The following DLG2 variants were observed in gnomAD, a reference collection of about 807,000 sequenced individuals.
DLG2 encodes the protein disks large homolog 2.
Under a neutral mutation model 132.5 loss-of-function variants are expected in DLG2, and 45 were observed. The observed-to-expected ratio is 0.34, with a 90% CI of 0.27 to 0.44. The LOEUF is 0.44. DLG2 is among the 20% of genes least tolerant of loss of function. The pLI is 1.00. For missense variants in DLG2, 1,045 were observed against 1,196.9 expected, an observed-to-expected ratio of 0.87 and a Z score of 1.87; for synonymous variants, 424 against 419.6, an observed-to-expected ratio of 1.01 and a Z score of -0.13.
chr11:84,978,261 C>A (rs1415626921), intron 6 of DLG2, among the ~76,000 whole-genome samples: 1 of 152,130 alleles, frequency 6.6e-6, no homozygotes, highest in Non-Finnish European at 1.5e-5. Context: ...GGCTTTTCAT[C>A]CCCATCAAGC....
intron 18 of DLG2, among the ~76,000 whole-genome samples, chr11:83,671,238 C>T (rs1039280473): frequency 2.6e-5 from 4 of 152,136 alleles, no homozygotes; most frequent in Admixed American, 1.3e-4. Context: ...AATTAGAGTG[C>T]TGCATTTATG....
At chr11:84,581,912 C>CAAA (rs780759635) in intron 6 of DLG2, among the ~76,000 whole-genome samples, 3 of 64,988 alleles carry the variant, frequency 4.6e-5, no homozygotes, top group Admixed American at 2.0e-4. Context: ...TCTCAAAAAC[C>CAAA]AAAAAAAAAA....
intron 7 of DLG2, among the ~76,000 whole-genome samples, chr11:84,327,995 A>G (rs578146107): frequency 6.6e-6 from 1 of 152,168 alleles, no homozygotes; most frequent in Non-Finnish European, 1.5e-5. Context: ...AATACGTGTA[A>G]CATCCTGGGT....
At chr11:83,947,431 C>G (rs2084313594) in intron 14 of DLG2, among the ~76,000 whole-genome samples, 1 of 152,094 alleles carries the variant, frequency 6.6e-6, no homozygotes, top group African/African-American at 2.4e-5. Flanking sequence ...ATTCTTAATA[C>G]AGGTACAAGT....
chr11:84,985,501 C>G (rs1221772154), intron 6 of DLG2, among the ~76,000 whole-genome samples: 2 of 151,912 alleles, frequency 1.3e-5, no homozygotes, highest in Admixed American at 1.3e-4. Flanking sequence ...AAATTCATAG[C>G]CCTAAACGAC....
At chr11:84,714,821 C>T (rs1271372277) in intron 6 of DLG2, among the ~76,000 whole-genome samples, 1 of 151,854 alleles carries the variant, frequency 6.6e-6, no homozygotes, top group African/African-American at 2.4e-5. Context: ...ACCTAAGATA[C>T]TGTATATATG....
intron 6 of DLG2, among the ~76,000 whole-genome samples, chr11:84,738,146 A>G (rs887193637): frequency 1.3e-5 from 2 of 152,066 alleles, no homozygotes; most frequent in African/African-American, 4.8e-5. Context: ...ATCCATCCTG[A>G]GAGAAGAGCA....
intron 3 of DLG2, among the ~76,000 whole-genome samples, chr11:85,595,014 G>C (rs1006198230): frequency 7.3e-6 from 1 of 137,882 alleles, no homozygotes; most frequent in South Asian, 2.2e-4. Flanking sequence ...GCAGTGAGCC[G>C]ATATCGCACC....
At position 85,607,459 on chromosome 11, in the gene DLG2, T is replaced by C. The variant is rs568864890; in HGVS notation, c.-92-8671A>G. ...AGACTCATCCATCTATCTTGATCCT[T>C]GCCCCCGGGTCCTAACGCCTGCCAG... On this transcript the variant is annotated intron_variant, in intron 2 of 27. Transcript: ENST00000376104. Among the ~76,000 whole-genome samples the C allele has an allele frequency of 2.6e-5, 4 of 152,338 alleles. No homozygotes were observed. In the South Asian group the frequency reaches 8.3e-4, roughly 32 times the overall value.
At chr11:84,240,671 A>C (rs2097214920) in intron 8 of DLG2, among the ~76,000 whole-genome samples, 1 of 152,192 alleles carries the variant, frequency 6.6e-6, no homozygotes, top group African/African-American at 2.4e-5. Context: ...AGGAAAAGGC[A>C]TTGTGGACTA....
intron 18 of DLG2, among the ~76,000 whole-genome samples, chr11:83,654,136 C>T (rs2071559112): frequency 6.6e-6 from 1 of 152,140 alleles, no homozygotes; most frequent in South Asian, 2.1e-4. Context: ...TGATTGTGTT[C>T]TTTCCATGCT....
intron 6 of DLG2, among the ~76,000 whole-genome samples, chr11:84,790,593 G>A (rs2073679711): frequency 6.6e-6 from 1 of 152,096 alleles, no homozygotes; most frequent in East Asian, 1.9e-4. Context: ...AACTTGATGT[G>A]ATTGCATTTG....
intron 6 of DLG2, among the ~76,000 whole-genome samples, chr11:84,840,370 G>T (rs886251524): frequency 6.6e-6 from 1 of 152,150 alleles, no homozygotes; most frequent in African/African-American, 2.4e-5. Context: ...GGAGATATAG[G>T]AATGCTTTTA....
At chr11:84,271,743 C>G (rs2097725108) in intron 7 of DLG2, among the ~76,000 whole-genome samples, 1 of 152,066 alleles carries the variant, frequency 6.6e-6, no homozygotes, top group Non-Finnish European at 1.5e-5. Flanking sequence ...CTTTCTCCAA[C>G]TTACTTTCCT....
At chr11:84,855,792 AC>A (rs2082707094) in intron 6 of DLG2, among the ~76,000 whole-genome samples, 1 of 152,092 alleles carries the variant, frequency 6.6e-6, no homozygotes, top group Admixed American at 6.6e-5. Context: ...CAAAGAAATG[AC>A]AAAATTCTGA....
intron 6 of DLG2, among the ~76,000 whole-genome samples, chr11:84,941,598 C>A (rs2049436933): frequency 6.6e-6 from 1 of 151,846 alleles, no homozygotes; most frequent in Non-Finnish European, 1.5e-5. Context: ...AACGAGTGAT[C>A]TTTTTAATGT....
chr11:84,645,173 A>T (rs1298478048), intron 6 of DLG2, among the ~76,000 whole-genome samples: 1 of 152,190 alleles, frequency 6.6e-6, no homozygotes, highest in African/African-American at 2.4e-5. Context: ...GGCTTTGTTC[A>T]CACCCTTCAT....
At chr11:85,328,948 T>G (rs2081560878) in intron 3 of DLG2, among the ~76,000 whole-genome samples, 1 of 120,496 alleles carries the variant, frequency 8.3e-6, no homozygotes, top group South Asian at 3.1e-4. Flanking sequence ...AAAATCAATG[T>G]ACAAAAATCA....
chr11:85,285,969 A>C (rs1269370509), intron 3 of DLG2: 1 of 333,392 alleles, frequency 3.0e-6, no homozygotes, highest in African/African-American at 2.2e-5. Context: ...AGGCAAATTA[A>C]AAAAAAAATC....
Sources: gnomAD v4.1 joint callset for allele counts (sites outside exome capture counted in the v4.1 genomes callset) on GRCh38, gnomAD v4.1.1 for gene constraint, MANE v1.5 for transcripts, NCBI Gene and HGNC (gene_info 2026-07-23, HGNC 2026-07-21) for gene names.